Variants in SLC1A7 observed in about 807,000 individuals in gnomAD.
The protein encoded by SLC1A7 is solute carrier family 1 member 7, also known as excitatory amino acid transporter 5.
Under a neutral mutation model 47.7 loss-of-function variants are expected in SLC1A7, and 40 were observed. That is an observed-to-expected ratio of 0.84 (90% CI 0.65 to 1.09). The LOEUF (loss-of-function observed/expected upper bound fraction) is 1.09, where lower values mean the gene tolerates loss of function less well. Ranked by LOEUF, SLC1A7 falls within the 50% of genes least tolerant of loss-of-function variation. The pLI is 0.00. For synonymous variants in SLC1A7, 323 were observed against 325.6 expected (o/e 0.99, Z 0.09); for missense variants, 746 against 769.5 (o/e 0.97, Z 0.36).
chr1:53,141,545 C>A (rs1645056449), intron 1 of SLC1A7, among the ~76,000 whole-genome samples: 1 of 152,204 alleles, frequency 6.6e-6, no homozygotes, highest in South Asian at 2.1e-4. Context: ...GAAAGGGGCT[C>A]TTTCCCAGGA....
chr1:53,111,671 T>A (rs1030988982), intron 3 of SLC1A7, among the ~76,000 whole-genome samples: 4 of 152,210 alleles, frequency 2.6e-5, no homozygotes, highest in Non-Finnish European at 5.9e-5. Context: ...GGCAGATTTA[T>A]GGAGAAATCA....
chr1:53,133,185 G>A (rs748015368), intron 2 of SLC1A7, among the ~76,000 whole-genome samples: 3 of 152,178 alleles, frequency 2.0e-5, no homozygotes, highest in Non-Finnish European at 2.9e-5. Flanking sequence ...AGAACTGGAC[G>A]TGTCGTACAG....
rs944979371 is a variant in SLC1A7, at chr1:53,096,285, G to A, written c.698-2725C>T. 6.2e-5 allele frequency among the ~76,000 whole-genome samples: 8 copies of A among 128,516 alleles called. No homozygotes were observed. The East Asian group carries it at 7.6e-4, about 12-fold the overall frequency. The allele number at this position is 128,516 out of a possible 152,430, so 84.3% of individuals were successfully genotyped here. A position where few individuals can be genotyped will look rare whatever the true frequency, so the allele number is the denominator to read the frequency against. On this transcript the variant is annotated intron_variant, in intron 5 of 10. Transcript: ENST00000371494. ...TCTGTACACTCACACACACCGACTC[G>A]GTACACTCACACTGTCTCGGTAAAC...
intron 3 of SLC1A7, among the ~76,000 whole-genome samples, chr1:53,113,121 T>TTA (rs1455184623): frequency 1.3e-5 from 2 of 151,462 alleles, no homozygotes; most frequent in African/African-American, 4.9e-5. Flanking sequence ...GAGTTTGGAG[T>TTA]TTTAATGTTA....
At chr1:53,101,430 G>C (rs12751682) in intron 5 of SLC1A7, among the ~76,000 whole-genome samples, 1 of 126,614 alleles carries the variant, frequency 7.9e-6, no homozygotes, top group Admixed American at 8.5e-5. Flanking sequence ...ACTGCCTCAG[G>C]ACACTCACAC....
chr1:53,106,583 GA>G (rs1300713775), intron 3 of SLC1A7, among the ~76,000 whole-genome samples: 1 of 138,300 alleles, frequency 7.2e-6, no homozygotes, highest in Non-Finnish European at 1.6e-5. Context: ...CTGGGCGGCA[GA>G]GCAAGACACC....
At chr1:53,116,509 G>C (rs1644762756) in intron 2 of SLC1A7, among the ~76,000 whole-genome samples, 1 of 152,230 alleles carries the variant, frequency 6.6e-6, no homozygotes, top group Non-Finnish European at 1.5e-5. Context: ...CTGCCAGGAT[G>C]CCATATGTTA....
At chr1:53,135,423 TGA>T (rs368195842) in intron 1 of SLC1A7, among the ~76,000 whole-genome samples, 1 of 152,132 alleles carries the variant, frequency 6.6e-6, no homozygotes, top group African/African-American at 2.4e-5. Context: ...TCGAAAATGC[TGA>T]GAGAGAGAGG....
chr1:53,137,719 A>G (rs936894033), intron 1 of SLC1A7, among the ~76,000 whole-genome samples: 5 of 152,214 alleles, frequency 3.3e-5, no homozygotes, highest in Non-Finnish European at 7.3e-5. Context: ...ACATTTTAAC[A>G]TGTCTACTAA....
chr1:53,096,378 A>C (rs959941617), intron 5 of SLC1A7, among the ~76,000 whole-genome samples: 4 of 144,354 alleles, frequency 2.8e-5, no homozygotes, highest in Non-Finnish European at 6.0e-5. Context: ...ACACTCACAC[A>C]TCCCGCCTAG....
In SLC1A7 at chr1:53,093,565, G is replaced by T; in HGVS notation, c.698-5C>A. 1.3e-6 allele frequency: 2 copies of T among 1,593,700 alleles called. No homozygotes were observed. The highest frequency in any genetic ancestry group is 8.5e-7 in the Non-Finnish European group (1 of 1,174,768). ...CCATGCGGCCCAGCATGATGCCTGC[G>T]GGTCAGGGACACAGTGCTGTGGTAA... is the stretch of plus-strand genomic sequence containing the variant. On this transcript the variant is annotated splice_polypyrimidine_tract_variant and splice_region_variant and intron_variant, in intron 5 of 10. Coordinates refer to ENST00000371494, the MANE Select transcript of SLC1A7 (RefSeq NM_006671.6).
intron 5 of SLC1A7, among the ~76,000 whole-genome samples, chr1:53,099,477 C>T (rs953924167): frequency 2.3e-4 from 34 of 150,616 alleles, no homozygotes; most frequent in African/African-American, 7.6e-4. Flanking sequence ...CACACCTCGC[C>T]TCAGTACACT....
chr1:53,113,753 T>C (rs2150332058), intron 3 of SLC1A7, among the ~76,000 whole-genome samples: 1 of 152,280 alleles, frequency 6.6e-6, no homozygotes, highest in African/African-American at 2.4e-5. Context: ...ACTTAGCTTT[T>C]GGCCTGGTTC....
chr1:53,134,770 A>G (rs1464200236), intron 1 of SLC1A7, among the ~76,000 whole-genome samples: 1 of 152,160 alleles, frequency 6.6e-6, no homozygotes, highest in Non-Finnish European at 1.5e-5. Flanking sequence ...GATGCCTGAA[A>G]CCACAGAGAC....
chr1:53,132,902 C>T lies in SLC1A7; in HGVS notation c.215+1448G>A, dbSNP rs144621423. Among the ~76,000 whole-genome samples, 6 of 152,236 alleles carry T rather than the reference C, an allele frequency of 3.9e-5. No homozygotes were observed. The East Asian group carries it at 1.2e-3, about 29-fold the overall frequency. On this transcript the variant is annotated intron_variant, in intron 2 of 10. Transcript: ENST00000371494. ...CATCCAAGTGGAGATGTCAAATAGG[C>T]AGTTGGTTAATGAAGTATGGAGCTC...
chr1:53,087,771 G>A lies in SLC1A7; in HGVS notation c.*238C>T, dbSNP rs753676884. The stretch of plus-strand genomic sequence containing the variant: ...TCACCGGGCTCACACCGGGGAAACT[G>A]TCACAGCGGGGCCTCAGGCAATGCC... On this transcript the variant is annotated 3_prime_UTR_variant, in exon 11 of 11. Coordinates refer to ENST00000371494, the MANE Select transcript of SLC1A7 (RefSeq NM_006671.6). 140 of 358,484 alleles carry A rather than the reference G, an allele frequency of 3.9e-4. No individual in the cohort carries two copies. The highest frequency in any genetic ancestry group is 2.8e-4 in the Admixed American group (6 of 21,480). 22.2% of individuals were successfully genotyped at this position (358,484 alleles called of 1,614,324 possible). A position where few individuals can be genotyped will look rare whatever the true frequency, so the allele number is the denominator to read the frequency against.
At position 53,134,343 on chromosome 1, in the gene SLC1A7, C is replaced by T. The variant is rs1445211370; in HGVS notation, c.215+7G>A. 11 of 1,610,326 alleles carry T rather than the reference C, an allele frequency of 6.8e-6. No homozygotes were observed. The highest frequency in any genetic ancestry group is 1.3e-5 in the African/African-American group (1 of 74,886). ...TCCGGACCACCTGGTCAAACCCCCG[C>T]TCTCACCTGGAGACCACCAGTGGCA... On this transcript the variant is annotated splice_region_variant and intron_variant, in intron 2 of 10. Coordinates refer to ENST00000371494, the MANE Select transcript of SLC1A7 (RefSeq NM_006671.6).
chr1:53,098,817 C>T (rs893616406), intron 5 of SLC1A7, among the ~76,000 whole-genome samples: 1 of 151,462 alleles, frequency 6.6e-6, no homozygotes, highest in African/African-American at 2.4e-5. Context: ...CTCACACACC[C>T]TGCCTTGGTA....
At chr1:53,090,499 G>A (rs1218983772) in intron 8 of SLC1A7, 113 bp downstream of exon 8, 36 of 1,423,902 alleles carry the variant, frequency 2.5e-5, no homozygotes, top group Non-Finnish European at 3.3e-5. Context: ...TCTGCCTGCT[G>A]TGCTCCGAGC....
Sources: allele counts gnomAD v4.1 joint callset (sites outside exome capture counted in the v4.1 genomes callset), GRCh38; gene constraint gnomAD v4.1.1; transcripts MANE v1.5; gene names NCBI Gene and HGNC (gene_info 2026-07-23, HGNC 2026-07-21).